The following DLGAP1 variants were observed in gnomAD, a reference collection of about 807,000 sequenced individuals.
The protein encoded by DLGAP1 is DLG associated protein 1, also known as disks large-associated protein 1.
In DLGAP1, 11 loss-of-function variants were observed where a neutral mutation model predicts 90.8. The ratio of observed to expected loss-of-function variants is 0.12; its 90% CI spans 0.08 to 0.20. The LOEUF (loss-of-function observed/expected upper bound fraction) is 0.20, where lower values mean the gene tolerates loss of function less well. Ranked by LOEUF, DLGAP1 falls within the 10% of genes least tolerant of loss-of-function variation. The pLI is 1.00. For missense variants in DLGAP1, 1,050 were observed against 1,333.8 expected (o/e 0.79, Z 3.31); for synonymous variants, 558 against 540.7 (o/e 1.03, Z -0.44).
intron 3 of DLGAP1, among the ~76,000 whole-genome samples, chr18:3,969,087 C>T (rs1458549330): frequency 6.6e-6 from 1 of 151,878 alleles, no homozygotes. Flanking sequence ...ATACTATTTT[C>T]CTTAACAATA....
At chr18:3,656,186 G>T in intron 7 of DLGAP1, 1 of 1,290,494 alleles carries the variant, frequency 7.7e-7, no homozygotes, top group Non-Finnish European at 1.1e-6. Context: ...CATAACACAC[G>T]CATGCTTCAG....
chr18:3,828,158 C>T (rs2067824758), intron 4 of DLGAP1, among the ~76,000 whole-genome samples: 1 of 152,104 alleles, frequency 6.6e-6, no homozygotes, highest in Non-Finnish European at 1.5e-5. Flanking sequence ...TTAAAGAGGT[C>T]CCTGTGTAGC....
rs193180338 is a variant in DLGAP1 at position 4,422,992 on chromosome 18, A to G, written c.-267+32014T>C. Among the ~76,000 whole-genome samples, 516 of 152,278 alleles carry G rather than the reference A, an allele frequency of 3.4e-3. 3 individuals are homozygous for G. The highest frequency in any genetic ancestry group is 4.3e-3 in the Non-Finnish European group (290 of 67,994). ...CCTTAACATAATGATTAGCATAATGATTAGTGCTGCTGTCCACAAAATACG... is the reference window on the plus strand; with the variant it reads ...CCTTAACATAATGATTAGCATAATGGTTAGTGCTGCTGTCCACAAAATACG... On this transcript the variant is annotated intron_variant, in intron 1 of 12. Transcript: ENST00000315677.
At chr18:4,097,462 G>A (rs1280470980) in intron 2 of DLGAP1, among the ~76,000 whole-genome samples, 3 of 152,222 alleles carry the variant, frequency 2.0e-5, no homozygotes, top group East Asian at 1.9e-4. Context: ...ACGTGGTACT[G>A]AGAACTATAG....
intron 1 of DLGAP1, among the ~76,000 whole-genome samples, chr18:4,352,884 T>C (rs914094436): frequency 2.0e-5 from 3 of 152,194 alleles, no homozygotes; most frequent in Non-Finnish European, 4.4e-5. Flanking sequence ...GAACTGCTTG[T>C]AACTTGTGGA....
intron 2 of DLGAP1, among the ~76,000 whole-genome samples, chr18:4,053,591 C>G (rs1208020070): frequency 6.6e-6 from 1 of 152,204 alleles, no homozygotes; most frequent in African/African-American, 2.4e-5. Context: ...AGCACCTCCC[C>G]CTTTGCTCTA....
chr18:4,149,165 T>C (rs2031604699), intron 2 of DLGAP1, among the ~76,000 whole-genome samples: 1 of 152,220 alleles, frequency 6.6e-6, no homozygotes, highest in Non-Finnish European at 1.5e-5. Flanking sequence ...GTTGTTATAT[T>C]AATTCTGACT....
At chr18:4,099,341 ATCTATCTGTCTGTCTG>A (rs1367958938) in intron 2 of DLGAP1, among the ~76,000 whole-genome samples, 3 of 72,570 alleles carry the variant, frequency 4.1e-5, no homozygotes, top group East Asian at 4.1e-4. Flanking sequence ...CTATCTATCT[ATCTATCTGTCTGTCTG>A]TCTATCTTTT....
intron 1 of DLGAP1, among the ~76,000 whole-genome samples, chr18:4,317,382 T>G (rs1337486062): frequency 6.6e-6 from 1 of 152,178 alleles, no homozygotes. Flanking sequence ...ACCTGACAGG[T>G]CATGACATAG....
At chr18:4,341,501 C>T (rs1395199508) in intron 1 of DLGAP1, among the ~76,000 whole-genome samples, 1 of 152,070 alleles carries the variant, frequency 6.6e-6, no homozygotes, top group African/African-American at 2.4e-5. Flanking sequence ...AATATCAATA[C>T]CAAATACTTA....
chr18:4,207,122 C>T (rs568088183), intron 1 of DLGAP1, among the ~76,000 whole-genome samples: 6 of 152,146 alleles, frequency 3.9e-5, no homozygotes, highest in South Asian at 4.1e-4. Context: ...TCTGTTCTCA[C>T]GCTGCTAATA....
At chr18:3,908,130 T>G (rs2071951988) in intron 3 of DLGAP1, among the ~76,000 whole-genome samples, 2 of 152,224 alleles carry the variant, frequency 1.3e-5, no homozygotes, top group African/African-American at 4.8e-5. Flanking sequence ...TTTTTAACAG[T>G]CATTCAGTGC....
intron 1 of DLGAP1, among the ~76,000 whole-genome samples, chr18:4,301,626 T>A (rs2080128428): frequency 6.6e-6 from 1 of 152,194 alleles, no homozygotes; most frequent in African/African-American, 2.4e-5. Context: ...TATGCAGATA[T>A]GCCTTTGACA....
chr18:3,698,037 G>T (rs2061152455), intron 7 of DLGAP1, among the ~76,000 whole-genome samples: 1 of 152,040 alleles, frequency 6.6e-6, no homozygotes, highest in African/African-American at 2.4e-5. Flanking sequence ...CCATTTGCTT[G>T]GTAAATATTC....
chr18:3,979,686 C>T (rs2073682348), intron 3 of DLGAP1, among the ~76,000 whole-genome samples: 1 of 152,060 alleles, frequency 6.6e-6, no homozygotes, highest in African/African-American at 2.4e-5. Context: ...TTCAATATTG[C>T]TAAAATACAT....
At position 3,547,283 on chromosome 18, in the gene DLGAP1, T is replaced by C. The variant is rs537205041; in HGVS notation, c.2058-12668A>G. On this transcript the variant is annotated intron_variant, in intron 9 of 12. Coordinates refer to ENST00000315677, the MANE Select transcript of DLGAP1 (RefSeq NM_004746.4). ...CGCCACTGCACTCCAGCCTGGGCAA[T>C]AGAGCGAGACTCCGTCTCAAAAAAA... is the stretch of plus-strand genomic sequence containing the variant. Among the ~76,000 whole-genome samples, 227 of 109,054 alleles carry C rather than the reference T, an allele frequency of 2.1e-3. 2 individuals are homozygous for C. The highest frequency in any genetic ancestry group is 0.011 in the Middle Eastern group (1 of 88). 71.5% of individuals were successfully genotyped at this position (109,054 alleles called of 152,430 possible).
At chr18:3,725,115 A>G (rs2062119816) in intron 7 of DLGAP1, among the ~76,000 whole-genome samples, 1 of 152,184 alleles carries the variant, frequency 6.6e-6, no homozygotes, top group African/African-American at 2.4e-5. Context: ...AACCACTGCA[A>G]ATGATTTACT....
At chr18:4,246,808 G>C (rs145346704) in intron 1 of DLGAP1, among the ~76,000 whole-genome samples, 2 of 152,256 alleles carry the variant, frequency 1.3e-5, no homozygotes, top group Non-Finnish European at 2.9e-5. Context: ...TTAGTTGTTG[G>C]TTTCTTTTCA....
rs1180727786 is a variant in DLGAP1, at chr18:3,517,756, G to T, written c.2480-9095C>A. ...CACTTGAACCCGGGAGGCAGAGGTTGCAGTGAGCCGAGATCGTGCCATTGC... is the reference window on the plus strand; with the variant it reads ...CACTTGAACCCGGGAGGCAGAGGTTTCAGTGAGCCGAGATCGTGCCATTGC... On this transcript the variant is annotated intron_variant, in intron 10 of 12. Transcript: ENST00000315677. The surrounding 1 kb of genome is among the most constrained non-coding windows in gnomAD (Gnocchi z 4.1). 6.6e-6 allele frequency among the ~76,000 whole-genome samples: 1 copy of T among 151,696 alleles called. No individual in the cohort carries two copies. The highest frequency in any genetic ancestry group is 1.5e-5 in the Non-Finnish European group (1 of 68,012).
Sources: gnomAD v4.1 joint callset for allele counts (sites outside exome capture counted in the v4.1 genomes callset) on GRCh38, gnomAD v4.1.1 for gene constraint, Gnocchi (gnomAD v3.1) non-coding constraint, MANE v1.5 for transcripts, NCBI Gene and HGNC (gene_info 2026-07-23, HGNC 2026-07-21) for gene names.